Variants in CCNF observed in about 807,000 individuals in gnomAD.
CCNF encodes the protein cyclin F.
CCNF carries 30 observed loss-of-function variants against 85.4 expected under a neutral mutation model. The observed-to-expected ratio is 0.35, with a 90% CI of 0.26 to 0.48. The LOEUF is 0.48. Ranked by LOEUF, CCNF falls within the 20% of genes least tolerant of loss-of-function variation. The pLI, the probability that CCNF is intolerant of heterozygous loss-of-function variation, is 0.99. For synonymous variants in CCNF, 439 were observed against 425.1 expected (o/e 1.03, Z -0.40); for missense variants, 919 against 1,010.4 (o/e 0.91, Z 1.23).
intron 8 of CCNF, 42 bp downstream of exon 8, chr16:2,439,868 T>G: frequency 1.3e-6 from 2 of 1,555,166 alleles, no homozygotes; most frequent in Non-Finnish European, 1.8e-6. Flanking sequence ...CTGGCCTTTC[T>G]CCCTCCAGCC....
intron 10 of CCNF, among the ~76,000 whole-genome samples, chr16:2,447,525 A>G (rs965670795): frequency 6.6e-6 from 1 of 152,110 alleles, no homozygotes; most frequent in African/African-American, 2.4e-5. Flanking sequence ...CAGAGGTTGC[A>G]GTGAGCCAAG....
rs2065380392 is a variant in CCNF at position 2,449,390 on chromosome 16, A to T, written c.1327A>T (p.Ser443Cys). The change falls in exon 12 of 17, where the codon AGC becomes TGC. Residue 443 changes from serine to cysteine, a missense_variant. Ser to Cys is a moderately radical substitution (Grantham distance 112, BLOSUM62 -1). Transcript: ENST00000397066. ...FLCELSLLHTSLSAYAPARLA... is the reference protein window; with the variant it reads ...FLCELSLLHTCLSAYAPARLA... ...CTGCGAGCTCTCCCTGCTGCACACC[A>T]GCCTGTCCGCCTACGCCCCAGCCCG... 6.2e-7 allele frequency: 1 copy of T among 1,612,822 alleles called. No homozygotes were observed. The highest frequency in any genetic ancestry group is 1.1e-5 in the South Asian group (1 of 91,086).
intron 3 of CCNF, among the ~76,000 whole-genome samples, chr16:2,434,363 C>T (rs2065277125): frequency 6.6e-6 from 1 of 151,946 alleles, no homozygotes; most frequent in Non-Finnish European, 1.5e-5. Context: ...GCCTGTAATC[C>T]CAGCACTTTG....
In CCNF at chr16:2,452,265, C is replaced by G. The variant is rs77490966; in HGVS notation, c.1488-945C>G. Among the ~76,000 whole-genome samples, 1 of 152,162 alleles carries G rather than the reference C, an allele frequency of 6.6e-6. No homozygotes were observed. Among genetic ancestry groups the G allele is most frequent in the Non-Finnish European group, 1.5e-5 (1 of 68,028 alleles). ...CTTCTGTGGCCCATCTGCTTTTTCTCCCACCATGCTGTGCTCCAGCCACAG... is the reference window on the plus strand; with the variant it reads ...CTTCTGTGGCCCATCTGCTTTTTCTGCCACCATGCTGTGCTCCAGCCACAG... On this transcript the variant is annotated intron_variant, in intron 13 of 16. Coordinates refer to ENST00000397066, the MANE Select transcript of CCNF (RefSeq NM_001761.3). The surrounding 1 kb of genome is among the most constrained non-coding windows in gnomAD (Gnocchi z 4.1).
Position 2,449,266 on chromosome 16 carries a change from C to G in CCNF, c.1219-16C>G, listed in dbSNP as rs764827616. On this transcript the variant is annotated splice_polypyrimidine_tract_variant and intron_variant, in intron 11 of 16. Coordinates refer to ENST00000397066, the MANE Select transcript of CCNF (RefSeq NM_001761.3). The stretch of plus-strand genomic sequence containing the variant: ...CCCCGAGCGCTGAGAGCCCACACCC[C>G]GTCCCGGCTGTCTAGGTCCCCACTG... 1 of 1,613,144 alleles carries G rather than the reference C, an allele frequency of 6.2e-7. No individual in the cohort carries two copies. The highest frequency in any genetic ancestry group is 1.3e-5 in the African/African-American group (1 of 75,046).
In CCNF at chr16:2,453,193, C is replaced by T. The variant is rs780761155; in HGVS notation, c.1488-17C>T. Reference sequence around the variant, plus strand: ...GGGGGTGCCTCACATGTCCACTCCACGTGACTCTGTTTCCAGCTTCCATGA... The same window carrying T: ...GGGGGTGCCTCACATGTCCACTCCATGTGACTCTGTTTCCAGCTTCCATGA... On this transcript the variant is annotated splice_polypyrimidine_tract_variant and intron_variant, in intron 13 of 16. Transcript: ENST00000397066. This position sits in a 1 kb window ranked among gnomAD's most constrained non-coding sequence, Gnocchi z 5.6. The T allele has an allele frequency of 8.7e-6, 14 of 1,611,246 alleles. No homozygotes were observed. The highest frequency in any genetic ancestry group is 2.2e-5 in the East Asian group (1 of 44,876).
chr16:2,445,746 G>A (rs181618361), intron 10 of CCNF, 124 bp downstream of exon 10: 3 of 627,798 alleles, frequency 4.8e-6, no homozygotes, highest in East Asian at 3.7e-5. Context: ...TTTTTTTCCC[G>A]AGACCAAGTC....
chr16:2,432,329 A>G (rs2065266983), intron 2 of CCNF, among the ~76,000 whole-genome samples: 1 of 152,136 alleles, frequency 6.6e-6, no homozygotes, highest in African/African-American at 2.4e-5. Flanking sequence ...ATTCATGGGG[A>G]AATGCCAGCA....
rs563578296 is a variant in CCNF at position 2,446,408 on chromosome 16, C to T, written c.1094+786C>T. ...TGCCCTGCAGAGCCCACTCCAGCCA[C>T]GTGGGTGTCTCTCAGCAGCAGCGTG... On this transcript the variant is annotated intron_variant, in intron 10 of 16. Transcript: ENST00000397066. Among the ~76,000 whole-genome samples, 36 of 152,360 alleles carry T rather than the reference C, an allele frequency of 2.4e-4. 1 individual carries two copies. The highest frequency in any genetic ancestry group is 9.8e-4 in the Admixed American group (15 of 15,308).
In CCNF at chr16:2,445,531, G is replaced by A. The variant is rs759163200; in HGVS notation, c.1003G>A (p.Val335Met). ...DFTSLCLHLT[V>M]ECVDRYLRRR... ...CACAAGCCTGTGCCTGCACCTGACC[G>A]TGGAGTGTGTGGACCGGTACCTGCG... Residue 335 changes from valine to methionine, a missense_variant, in exon 10 of 17, where the codon GTG (valine) becomes ATG (methionine). Coordinates refer to ENST00000397066, the MANE Select transcript of CCNF (RefSeq NM_001761.3). 4.3e-6 allele frequency: 7 copies of A among 1,614,134 alleles called. No individual in the cohort carries two copies. The highest frequency in any genetic ancestry group is 5.1e-6 in the Non-Finnish European group (6 of 1,180,020).
At position 2,458,006 on chromosome 16, in the gene CCNF, C is replaced by G. The variant is rs1433753882; in HGVS notation, c.*986C>G. 2 of 152,264 alleles carry G rather than the reference C, an allele frequency of 1.3e-5. No individual in the cohort carries two copies. Among genetic ancestry groups the G allele is most frequent in the Admixed American group, 1.3e-4 (2 of 15,280 alleles). 9.4% of individuals were successfully genotyped at this position (152,264 alleles called of 1,614,324 possible). On this transcript the variant is annotated 3_prime_UTR_variant, in exon 17 of 17. Transcript: ENST00000397066. ...GTGTCCTGGCTGATCCCAACTGCAG[C>G]TCTGCTGTGGGGGCCCGTGGGAGGG... is the stretch of plus-strand genomic sequence containing the variant.
chr16:2,455,282 G>C, intron 15 of CCNF, 113 bp from the exon 16 acceptor site: 1 of 1,327,204 alleles, frequency 7.5e-7, no homozygotes, highest in African/African-American at 1.5e-5. Flanking sequence ...AGAACCTTTG[G>C]GAGCACGTGG....
At chr16:2,436,168 T>G in intron 4 of CCNF, 1 of 330,936 alleles carries the variant, frequency 3.0e-6, no homozygotes, top group Non-Finnish European at 5.7e-6. Context: ...TTGGGCTCCC[T>G]GCCCTGTGCG....
chr16:2,456,591 C>A lies in CCNF; in HGVS notation c.1932C>A (p.Asn644Lys). 2 of 1,590,488 alleles carry A rather than the reference C, an allele frequency of 1.3e-6. No homozygotes were observed. Among genetic ancestry groups the A allele is most frequent in the Non-Finnish European group, 1.7e-6 (2 of 1,170,114 alleles). The change falls in exon 17 of 17, where the codon AAC becomes AAA. Residue 644 changes from asparagine to lysine, a missense_variant. Asn to Lys is a moderately conservative substitution (Grantham distance 94). Transcript: ENST00000397066. This position sits in a 1 kb window ranked among gnomAD's most constrained non-coding sequence, Gnocchi z 4.5. ...GILDVTVVYLNPEQHCCQESS... is the reference protein window; with the variant it reads ...GILDVTVVYLKPEQHCCQESS... ...TCGATGTCACCGTGGTCTACCTGAA[C>A]CCAGAACAGCATTGCTGCCAGGAAT...
Position 2,442,471 on chromosome 16 carries a change from T to TA in CCNF, c.778-1177dup, listed in dbSNP as rs1203811801. On this transcript the variant is annotated intron_variant, in intron 8 of 16. Transcript: ENST00000397066. ...AATATTATATAATATAATATTATTA[T>TA]ATATAATATATAATATTATATAATA... Among the ~76,000 whole-genome samples, 2 of 2,600 alleles carry TA rather than the reference T, an allele frequency of 7.7e-4. 1 individual carries two copies. Among genetic ancestry groups the TA allele is most frequent in the African/African-American group, 0.043 (2 of 46 alleles). 1.7% of individuals were successfully genotyped at this position (2,600 alleles called of 152,430 possible).
rs755047457 is a variant in CCNF at position 2,456,985 on chromosome 16, G to A, written c.2326G>A (p.Glu776Lys). The A allele has an allele frequency of 6.9e-6, 11 of 1,602,624 alleles. No homozygotes were observed. Among genetic ancestry groups the A allele is most frequent in the Non-Finnish European group, 8.5e-6 (10 of 1,173,462 alleles). ...KRINLCIHSE[E>K]EDMNLGLVRL ...GATAAACCTATGCATACACAGTGAG[G>A]AGGAGGACATGAACCTGGGCCTTGT... The change falls in exon 17 of 17, where the codon GAG becomes AAG. Residue 776 changes from glutamate (E) to lysine (K), a missense_variant. This residue lies in a region of CCNF where 505 missense variants were observed against 514.8 expected (regional missense o/e 0.98). Coordinates refer to ENST00000397066, the MANE Select transcript of CCNF (RefSeq NM_001761.3). This position sits in a 1 kb window ranked among gnomAD's most constrained non-coding sequence, Gnocchi z 4.5.
At position 2,439,444 on chromosome 16, in the gene CCNF, A is replaced by T. The variant is rs761549429; in HGVS notation, c.686A>T (p.Asp229Val). 2 of 1,609,346 alleles carry T rather than the reference A, an allele frequency of 1.2e-6. No individual in the cohort carries two copies. The highest frequency in any genetic ancestry group is 1.1e-5 in the South Asian group (1 of 90,276). Reference sequence around the variant, plus strand: ...AGCTCCTACCTCCTCTGGGAAAGCGACAGGAGGACAGATGTGAGTGGTGCC... The same window carrying T: ...AGCTCCTACCTCCTCTGGGAAAGCGTCAGGAGGACAGATGTGAGTGGTGCC... ...LTSSYLLWES[D>V]RRTDVSDPGR... The change falls in exon 7 of 17, where the codon GAC (aspartate) becomes GTC (valine). Residue 229 changes from aspartate to valine, a missense_variant. Around this residue, in one of 3 missense-constraint regions of CCNF, gnomAD observed 410 missense variants for 478.6 expected, o/e 0.86. Transcript: ENST00000397066.
At chr16:2,447,009 C>T (rs12926991) in intron 10 of CCNF, among the ~76,000 whole-genome samples, 114,689 of 152,192 alleles carry the variant, frequency 0.75, 44,152 homozygotes, top group African/African-American at 0.92. Context: ...TCTTCAGATG[C>T]GCTCTTGGGC....
In CCNF at chr16:2,456,868, C is replaced by A; in HGVS notation, c.2209C>A (p.Gln737Lys). ...GTCCCTGGACAGTGACTCGCACACA[C>A]AGCCCTGCCACCATCAGGCCAGGAA... The part of the protein sequence containing the change: ...VLSLDSDSHT[Q>K]PCHHQARKSC... Residue 737 changes from glutamine (Q) to lysine (K), a missense_variant, in exon 17 of 17, where the codon CAG becomes AAG. Physicochemically the swap from Gln to Lys is moderately conservative, Grantham distance 53 (BLOSUM62 1). This residue lies in a region of CCNF where 505 missense variants were observed against 514.8 expected (regional missense o/e 0.98). Transcript: ENST00000397066. The surrounding 1 kb of genome is among the most constrained non-coding windows in gnomAD (Gnocchi z 4.5). 6.2e-7 allele frequency: 1 copy of A among 1,614,142 alleles called. No individual in the cohort carries two copies. The highest frequency in any genetic ancestry group is 8.5e-7 in the Non-Finnish European group (1 of 1,180,036).
Sources: allele counts gnomAD v4.1 joint callset (sites outside exome capture counted in the v4.1 genomes callset), GRCh38; gene constraint gnomAD v4.1.1; regional missense constraint gnomAD v4.1.1; non-coding constraint Gnocchi (gnomAD v3.1); transcripts MANE v1.5; gene names NCBI Gene and HGNC (gene_info 2026-07-23, HGNC 2026-07-21).